Variants in TPRG1 observed in about 807,000 individuals in gnomAD.
TPRG1 encodes tumor protein p63 regulated 1.
TPRG1 carries 29 observed loss-of-function variants against 29.3 expected under a neutral mutation model. The observed-to-expected ratio is 0.99, with a 90% CI of 0.74 to 1.35. TPRG1 has a LOEUF of 1.35. Among genes scored for constraint, TPRG1 ranks in the 40% most tolerant of loss-of-function variants. TPRG1 has a pLI of 0.00. For missense variants in TPRG1, 327 were observed against 335.0 expected, an observed-to-expected ratio of 0.98 and a Z score of 0.19; for synonymous variants, 130 against 116.8, an observed-to-expected ratio of 1.11 and a Z score of -0.73.
intron 4 of TPRG1, among the ~76,000 whole-genome samples, chr3:189,268,267 A>C (rs1189783421): frequency 6.6e-6 from 1 of 151,994 alleles, no homozygotes. Flanking sequence ...GGTGCTGTCC[A>C]CTCACTCTAA....
At chr3:189,142,823 G>T (rs558206415) in intron 3 of TPRG1, among the ~76,000 whole-genome samples, 2 of 152,178 alleles carry the variant, frequency 1.3e-5, no homozygotes, top group African/African-American at 2.4e-5. Flanking sequence ...GCTCAGTGGA[G>T]AAACTCATTA....
intron 3 of TPRG1, among the ~76,000 whole-genome samples, chr3:189,136,264 T>C (rs1265641265): frequency 6.6e-6 from 1 of 152,106 alleles, no homozygotes; most frequent in Non-Finnish European, 1.5e-5. Flanking sequence ...CATGAGAACA[T>C]TGTTTCAGAA....
chr3:189,319,421 G>T (rs191011559), intron 5 of TPRG1, among the ~76,000 whole-genome samples: 1 of 151,762 alleles, frequency 6.6e-6, no homozygotes, highest in African/African-American at 2.4e-5. Flanking sequence ...TAATAATATC[G>T]CTATCTACCC....
rs1306227636 is a variant in TPRG1 at position 189,057,566 on chromosome 3, TCAGA to T, written c.-463+33623_-463+33626del. On this transcript the variant is annotated intron_variant, in intron 4 of 10. Coordinates refer to the TPRG1 transcript ENST00000433971. ...AACCCCATCACTTTCTAAAAATTCT[TCAGA>T]CACTTTTCTCTGTTTGACTGCTCTC... Among the ~76,000 whole-genome samples the T allele has an allele frequency of 3.3e-5, 5 of 151,226 alleles. No individual in the cohort carries two copies. In the East Asian group the frequency reaches 5.9e-4, roughly 18 times the overall value.
chr3:189,242,562 T>C (rs572113557), intron 4 of TPRG1, among the ~76,000 whole-genome samples: 1 of 152,232 alleles, frequency 6.6e-6, no homozygotes, highest in East Asian at 1.9e-4. Flanking sequence ...TCATGAGGGG[T>C]ATTAGTCTGT....
rs193290762 is a variant in TPRG1 at position 189,135,700 on chromosome 3, C to T, written c.-291+3003C>T. On this transcript the variant is annotated intron_variant, in intron 3 of 6. Transcript: ENST00000412373. The stretch of plus-strand genomic sequence containing the variant: ...AAGAATATAGGATACATTTCTCCAA[C>T]TTATTGGCTATGGAACATCTTTTTT... Among the ~76,000 whole-genome samples, 76 of 152,304 alleles carry T rather than the reference C, an allele frequency of 5.0e-4. No individual in the cohort carries two copies. The East Asian group carries it at 7.3e-3, about 15-fold the overall frequency.
intron 1 of TPRG1, among the ~76,000 whole-genome samples, chr3:189,197,308 C>A (rs1181116109): frequency 6.6e-6 from 1 of 152,184 alleles, no homozygotes; most frequent in African/African-American, 2.4e-5. Flanking sequence ...ACATCTGAGT[C>A]TTTACAGGCT....
At chr3:189,040,862 A>G (rs1307223420) in intron 4 of TPRG1, among the ~76,000 whole-genome samples, 1 of 151,894 alleles carries the variant, frequency 6.6e-6, no homozygotes, top group Non-Finnish European at 1.5e-5. Flanking sequence ...TTCTTCCTCT[A>G]TTGCTCAGAG....
chr3:189,127,743 C>T (rs995260908), intron 2 of TPRG1, among the ~76,000 whole-genome samples: 2 of 152,170 alleles, frequency 1.3e-5, no homozygotes, highest in Non-Finnish European at 2.9e-5. Flanking sequence ...GAGATGGCCT[C>T]TGGGTAGAAC....
chr3:189,289,179 A>G (rs548604338), intron 4 of TPRG1, among the ~76,000 whole-genome samples: 1 of 152,240 alleles, frequency 6.6e-6, no homozygotes, highest in African/African-American at 2.4e-5. Context: ...TCTTTCCCCT[A>G]TATCTTGCTT....
At chr3:189,021,728 A>T (rs1167839301) in intron 3 of TPRG1, among the ~76,000 whole-genome samples, 2 of 151,990 alleles carry the variant, frequency 1.3e-5, no homozygotes, top group Non-Finnish European at 2.9e-5. Context: ...GCTCTTCTCG[A>T]GGAGTATCTT....
At chr3:189,247,011 A>G (rs1283222082) in intron 4 of TPRG1, among the ~76,000 whole-genome samples, 1 of 152,118 alleles carries the variant, frequency 6.6e-6, no homozygotes, top group Non-Finnish European at 1.5e-5. Context: ...CTGTAAATTT[A>G]TCTTTCAACA....
chr3:189,142,143 G>A (rs555465766), intron 3 of TPRG1, among the ~76,000 whole-genome samples: 4 of 152,248 alleles, frequency 2.6e-5, no homozygotes, highest in South Asian at 2.1e-4. Flanking sequence ...AGGTCATTTC[G>A]GGCAGGACGG....
chr3:189,032,549 T>A (rs1713985397), intron 4 of TPRG1, among the ~76,000 whole-genome samples: 1 of 152,156 alleles, frequency 6.6e-6, no homozygotes, highest in Non-Finnish European at 1.5e-5. Flanking sequence ...AGAGTTTTGC[T>A]CCACCAGTTG....
chr3:189,146,187 C>T (rs1263400196), intron 3 of TPRG1, among the ~76,000 whole-genome samples: 2 of 152,110 alleles, frequency 1.3e-5, no homozygotes, highest in Non-Finnish European at 2.9e-5. Context: ...GTGTTGGTTG[C>T]ATGATGAATG....
chr3:189,299,791 G>C (rs1036455844), intron 4 of TPRG1, among the ~76,000 whole-genome samples: 4 of 152,072 alleles, frequency 2.6e-5, no homozygotes, highest in African/African-American at 9.7e-5. Context: ...TTAGTATATA[G>C]AATAATTTCA....
intron 1 of TPRG1, among the ~76,000 whole-genome samples, chr3:189,185,741 CT>C (rs1730838198): frequency 6.6e-6 from 1 of 152,150 alleles, no homozygotes; most frequent in Non-Finnish European, 1.5e-5. Context: ...TATTCTACAT[CT>C]TTTAAACCTT....
At chr3:189,198,745 T>C (rs1463570386) in intron 1 of TPRG1, among the ~76,000 whole-genome samples, 1 of 152,142 alleles carries the variant, frequency 6.6e-6, no homozygotes, top group Non-Finnish European at 1.5e-5. Context: ...GGCCCACTAG[T>C]GAAGACAGGA....
chr3:189,017,165 C>T (rs1712983151), intron 3 of TPRG1, among the ~76,000 whole-genome samples: 1 of 150,526 alleles, frequency 6.6e-6, no homozygotes, highest in Non-Finnish European at 1.5e-5. Context: ...TCTTGTCTGC[C>T]TGTCTTATTT....
Sources: gnomAD v4.1 joint callset for allele counts (sites outside exome capture counted in the v4.1 genomes callset) on GRCh38, gnomAD v4.1.1 for gene constraint, MANE v1.5 for transcripts, NCBI Gene and HGNC (gene_info 2026-07-23, HGNC 2026-07-21) for gene names.